KAT8: variants seen among roughly 807,000 people sequenced by gnomAD.
The protein encoded by KAT8 is lysine acetyltransferase 8.
KAT8 carries 40 observed loss-of-function variants against 62.9 expected under a neutral mutation model. That is an observed-to-expected ratio of 0.64 (90% CI 0.49 to 0.83). The LOEUF is 0.83. Ranked by LOEUF, KAT8 falls within the 40% of genes least tolerant of loss-of-function variation. The pLI, the probability that KAT8 is intolerant of heterozygous loss-of-function variation, is 0.00. For synonymous variants in KAT8, 278 were observed against 254.5 expected (o/e 1.09, Z -0.88); for missense variants, 387 against 614.8 (o/e 0.63, Z 3.92).
At chr16:31,128,406 G>A (rs544607049) in intron 6 of KAT8, among the ~76,000 whole-genome samples, 1 of 152,284 alleles carries the variant, frequency 6.6e-6, no homozygotes, top group East Asian at 1.9e-4. Flanking sequence ...ATTAGCTGGC[G>A]TGGTGGTGCG....
At position 31,120,224 on chromosome 16, in the gene KAT8, G is replaced by C. The variant is rs1266911280; in HGVS notation, c.250G>C (p.Glu84Gln). Reference protein sequence around the residue: ...EVIQSRVNDQEGREEFYVHYV... With the variant: ...EVIQSRVNDQQGREEFYVHYV... ...GATCCAGTCTCGAGTGAACGACCAG[G>C]AGGGCCGAGAGGAATTCTATGTACA... Residue 84 changes from glutamate to glutamine, a missense_variant, in exon 2 of 11, where the codon GAG becomes CAG. By Grantham distance (29) the Glu-to-Gln change is conservative. Coordinates refer to ENST00000219797, the MANE Select transcript of KAT8 (RefSeq NM_032188.3). 1.9e-6 allele frequency: 3 copies of C among 1,614,088 alleles called. No homozygotes were observed. The Admixed American group carries it at 5.0e-5, about 27-fold the overall frequency.
intron 6 of KAT8, 32 bp downstream of exon 6, chr16:31,128,171 G>A (rs372830124): frequency 2.5e-5 from 38 of 1,550,212 alleles, no homozygotes; most frequent in African/African-American, 4.1e-5. Context: ...GGGAGAGGCC[G>A]GGGAGGCCCT....
chr16:31,128,177 G>A (rs370302225), intron 6 of KAT8, 38 bp downstream of exon 6: 6 of 1,509,682 alleles, frequency 4.0e-6, no homozygotes, highest in Non-Finnish European at 5.5e-6. Context: ...GGCCGGGGAG[G>A]CCCTGGGCAC....
chr16:31,126,987 T>C (rs754481456), intron 3 of KAT8, 48 bp from the exon 4 acceptor site: 1 of 1,607,296 alleles, frequency 6.2e-7, no homozygotes, highest in South Asian at 1.1e-5. Context: ...AGGGACAGCC[T>C]GGTCACCACT....
rs1596815541 is a variant in KAT8, at chr16:31,117,689, C to T, written c.8C>T (p.Ala3Val). 12 of 1,397,340 alleles carry T rather than the reference C, an allele frequency of 8.6e-6. No homozygotes were observed. Among genetic ancestry groups the T allele is most frequent in the Non-Finnish European group, 9.3e-6 (10 of 1,070,732 alleles). 86.6% of individuals were successfully genotyped at this position (1,397,340 alleles called of 1,614,324 possible). MA[A>V]QGAAAAVAAG... ...GTCACTTCCCTTCCCGCGATGGCGG[C>T]ACAGGGAGCTGCTGCGGCGGTTGCG... Residue 3 changes from alanine to valine, a missense_variant, in exon 1 of 11, where the codon GCA becomes GTA. Coordinates refer to ENST00000219797, the MANE Select transcript of KAT8 (RefSeq NM_032188.3).
intron 3 of KAT8, among the ~76,000 whole-genome samples, chr16:31,125,294 TTACTA>T (rs772275674): frequency 1.3e-5 from 2 of 151,968 alleles, no homozygotes; most frequent in Non-Finnish European, 2.9e-5. Context: ...CCCTGCCTGT[TTACTA>T]CTCTGTAAAA....
intron 3 of KAT8, 120 bp from the exon 4 acceptor site, chr16:31,126,915 A>G (rs895049327): frequency 9.3e-7 from 1 of 1,074,250 alleles, no homozygotes; most frequent in Non-Finnish European, 1.4e-6. Flanking sequence ...TGGTGTGGTT[A>G]TTATTGCCAT....
Sources: gnomAD v4.1 joint callset for allele counts (sites outside exome capture counted in the v4.1 genomes callset) on GRCh38, gnomAD v4.1.1 for gene constraint, MANE v1.5 for transcripts, NCBI Gene and HGNC (gene_info 2026-07-23, HGNC 2026-07-21) for gene names.